TMC6: variants seen among roughly 807,000 people sequenced by gnomAD.
TMC6 encodes the protein transmembrane channel like 6.
Under a neutral mutation model 95.4 loss-of-function variants are expected in TMC6, and 71 were observed. The ratio of observed to expected loss-of-function variants is 0.74; its 90% CI spans 0.61 to 0.91. The LOEUF (loss-of-function observed/expected upper bound fraction) is 0.91. Ranked by LOEUF, TMC6 falls within the 40% of genes least tolerant of loss-of-function variation. The pLI is 0.00. For synonymous variants in TMC6, 514 were observed against 483.1 expected, an observed-to-expected ratio of 1.06 and a Z score of -0.84; for missense variants, 1,074 against 1,079.1, an observed-to-expected ratio of 1.00 and a Z score of 0.07.
At chr17:78,131,577 G>T (rs2074966560), upstream of TMC6, 2 of 1,542,514 alleles carry the variant, frequency 1.3e-6, no homozygotes, top group South Asian at 1.2e-5. Context: ...GCCTCTACCC[G>T]TGCCCGCCGA....
chr17:78,126,434 C>T, intron 3 of TMC6, 68 bp from the exon 4 acceptor site: 2 of 1,606,610 alleles, frequency 1.2e-6, no homozygotes, highest in Non-Finnish European at 1.7e-6. Flanking sequence ...CCCACCCCAT[C>T]CCAGGCCTGC....
upstream of TMC6, chr17:78,131,775 G>A (rs1598894454): frequency 6.4e-7 from 1 of 1,556,530 alleles, no homozygotes; most frequent in Non-Finnish European, 8.7e-7. Context: ...GCGTGGGGGG[G>A]GTGCTGCGAG....
At position 78,121,753 on chromosome 17, in the gene TMC6, G is replaced by A. The variant is rs756845096; in HGVS notation, c.1228-42C>T. 159 of 1,543,186 alleles carry A rather than the reference G, an allele frequency of 1.0e-4. No individual in the cohort carries two copies. The highest frequency in any genetic ancestry group is 1.2e-4 in the East Asian group (5 of 42,068). ...GTCCCCGTCACCCACACCAGAGCAC[G>A]GGCACACGCAGACGTGCAGACACAG... On this transcript the variant is annotated intron_variant, in intron 10 of 19. Coordinates refer to ENST00000590602, the MANE Select transcript of TMC6 (RefSeq NM_001127198.5). The surrounding 1 kb of genome is among the most constrained non-coding windows in gnomAD (Gnocchi z 5.6).
At chr17:78,131,398 A>T, upstream of TMC6, 1 of 739,670 alleles carries the variant, frequency 1.4e-6, no homozygotes, top group Non-Finnish European at 2.2e-6. Flanking sequence ...GCAGAGCGGC[A>T]GACCCGGGCA....
chr17:78,114,003 A>C (rs905230755), intron 18 of TMC6: 3 of 338,478 alleles, frequency 8.9e-6, no homozygotes, highest in African/African-American at 6.4e-5. Context: ...GGTTTACATT[A>C]GTTTCCTGCT....
At chr17:78,125,008 G>A (rs1184816118) in intron 6 of TMC6, 23 bp from the exon 7 acceptor site, 2 of 1,566,514 alleles carry the variant, frequency 1.3e-6, no homozygotes, top group East Asian at 4.7e-5. Flanking sequence ...GCAGCCATAG[G>A]TGCCTGGACC....
chr17:78,126,759 C>G lies in TMC6; in HGVS notation c.56+18G>C. ...GTGGAACATTCCAGCCTCCAGCCCC[C>G]AGCCCCAGAGCGCTTACCCCTGGTC... is the stretch of plus-strand genomic sequence containing the variant. On this transcript the variant is annotated intron_variant, in intron 2 of 19. Transcript: ENST00000590602. 6.2e-7 allele frequency: 1 copy of G among 1,613,000 alleles called. No homozygotes were observed. Among genetic ancestry groups the G allele is most frequent in the Non-Finnish European group, 8.5e-7 (1 of 1,179,780 alleles).
At chr17:78,117,409 C>T in intron 17 of TMC6, 59 bp downstream of exon 17, 1 of 1,611,930 alleles carries the variant, frequency 6.2e-7, no homozygotes, top group Non-Finnish European at 8.5e-7. Context: ...CCAGTCCCCA[C>T]ACGGTGCAGG....
rs143883680 is a variant in TMC6 at position 78,125,763 on chromosome 17, G to A, written c.393C>T (p.Tyr131=). 4.9e-4 allele frequency: 761 copies of A among 1,568,212 alleles called. 7 individuals carry two copies. The African/African-American group carries it at 8.4e-3, about 17-fold the overall frequency. The change falls in exon 5 of 20, where the codon TAC becomes TAT. Residue 131 remains tyrosine, a synonymous_variant. Transcript: ENST00000590602. The part of the protein sequence containing the change: ...VRSAWPSLRL[Y]DLELDPTALE... ...GGGCCGTGGGGTCCAGCTCCAGGTC[G>A]TACAGGCGGAGGCTGGGCCAGGCGG...
intron 1 of TMC6, among the ~76,000 whole-genome samples, chr17:78,127,356 G>GC (rs2074771045): frequency 6.6e-6 from 1 of 152,152 alleles, no homozygotes; most frequent in Non-Finnish European, 1.5e-5. Flanking sequence ...GAAATTAGCT[G>GC]CTGGAGCCCT....
Position 78,124,506 on chromosome 17 carries a change from G to T in TMC6, c.891+18C>A. 6.2e-7 allele frequency: 1 copy of T among 1,607,088 alleles called. No individual in the cohort carries two copies. The stretch of plus-strand genomic sequence containing the variant: ...GAAGACAGGCACCCCCCGTCCCCCA[G>T]TCCTAGGGCTTCCTCACCGCGCCTG... On this transcript the variant is annotated intron_variant, in intron 8 of 19. Transcript: ENST00000590602.
At position 78,122,585 on chromosome 17, in the gene TMC6, G is replaced by A. The variant is rs1598857304; in HGVS notation, c.1227+20C>T. On this transcript the variant is annotated intron_variant, in intron 10 of 19. Coordinates refer to ENST00000590602, the MANE Select transcript of TMC6 (RefSeq NM_001127198.5). The surrounding 1 kb of genome is among the most constrained non-coding windows in gnomAD (Gnocchi z 4.9). ...TGCAGGGAGCTGGGCAGGCCAGCTT[G>A]GTGCTCCGGGGCCACTCACCTTCAG... The A allele has an allele frequency of 1.2e-6, 2 of 1,606,784 alleles. No individual in the cohort carries two copies. The highest frequency in any genetic ancestry group is 1.7e-6 in the Non-Finnish European group (2 of 1,179,724).
Position 78,107,844 on chromosome 17 carries a change from A to G in TMC6, c.*5304T>C, listed in dbSNP as rs1033370550. On this transcript the variant is annotated 3_prime_UTR_variant, in exon 20 of 20. Coordinates refer to ENST00000590602, the MANE Select transcript of TMC6 (RefSeq NM_001127198.5). ...TTTGCCTAGGGTCCAGTTGGGGCTTAAAAAATATTTGGAGAGAAGAGTAAT... is the reference window on the plus strand; with the variant it reads ...TTTGCCTAGGGTCCAGTTGGGGCTTGAAAAATATTTGGAGAGAAGAGTAAT... The G allele has an allele frequency of 6.6e-6, 1 of 152,208 alleles. No individual in the cohort carries two copies. Among genetic ancestry groups the G allele is most frequent in the Admixed American group, 6.5e-5 (1 of 15,280 alleles). The allele number at this position is 152,208 out of a possible 1,614,324, so 9.4% of individuals were successfully genotyped here. A position where few individuals can be genotyped will look rare whatever the true frequency, so the allele number is the denominator to read the frequency against.
rs200294759 is a variant in TMC6, at chr17:78,117,593, G to A, written c.2073C>T (p.Tyr691=). ...CGPFRTLDTM[Y]EAGRVWVRHL... is the part of the protein sequence containing the mutation. Reference sequence around the variant, plus strand: ...GGCGCACCCACACCCTGCCGGCCTCGTACATGGTGTCCAGGGTCCGGAAGG... The same window carrying A: ...GGCGCACCCACACCCTGCCGGCCTCATACATGGTGTCCAGGGTCCGGAAGG... Residue 691 remains tyrosine (Y), a synonymous_variant, in exon 17 of 20, where the codon TAC becomes TAT. Coordinates refer to ENST00000590602, the MANE Select transcript of TMC6 (RefSeq NM_001127198.5). The A allele has an allele frequency of 1.8e-5, 28 of 1,583,736 alleles. No individual in the cohort carries two copies. The highest frequency in any genetic ancestry group is 1.2e-4 in the East Asian group (5 of 43,296).
intron 13 of TMC6, chr17:78,120,334 A>G (rs910268954): frequency 7.1e-6 from 3 of 424,738 alleles, no homozygotes; most frequent in African/African-American, 6.2e-5. Context: ...TAATTTTTGT[A>G]TTTTTAGTAG....
chr17:78,107,709 ACCC>A lies in TMC6; in HGVS notation c.*5436_*5438del, dbSNP rs369121058. On this transcript the variant is annotated 3_prime_UTR_variant, in exon 20 of 20. Transcript: ENST00000590602. ...GCACAGCCAAGCTTTCCAGCTCTCC[ACCC>A]CCGTGGCCCATCCAAGTCTGTTCAT... 1.6e-4 allele frequency: 25 copies of A among 152,030 alleles called. No homozygotes were observed. In the East Asian group the frequency reaches 4.5e-3, roughly 27 times the overall value. 9.4% of individuals were successfully genotyped at this position (152,030 alleles called of 1,614,324 possible). A position where few individuals can be genotyped will look rare whatever the true frequency, so the allele number is the denominator to read the frequency against.
upstream of TMC6, chr17:78,131,748 C>G (rs1481288123): frequency 6.3e-7 from 1 of 1,576,708 alleles, no homozygotes. Context: ...GTGGGTGCCA[C>G]GCGGGCGCCA....
intron 13 of TMC6, chr17:78,120,238 C>T (rs1047076164): frequency 5.6e-6 from 2 of 358,996 alleles, no homozygotes; most frequent in Non-Finnish European, 5.4e-6. Flanking sequence ...CAGCTCACTA[C>T]AACCTCCGCT....
chr17:78,118,100 C>A (rs1350520318), intron 15 of TMC6, 165 bp from the exon 16 acceptor site: 10 of 1,271,610 alleles, frequency 7.9e-6, no homozygotes, highest in Admixed American at 2.7e-5. Flanking sequence ...AGAAGCCTGC[C>A]GGTCACTTGC....
Sources: gnomAD v4.1 joint callset for allele counts (sites outside exome capture counted in the v4.1 genomes callset) on GRCh38, gnomAD v4.1.1 for gene constraint, Gnocchi (gnomAD v3.1) non-coding constraint, MANE v1.5 for transcripts, NCBI Gene and HGNC (gene_info 2026-07-23, HGNC 2026-07-21) for gene names.